The following BLK variants were observed in gnomAD, a reference collection of about 807,000 sequenced individuals.
BLK encodes the protein tyrosine-protein kinase Blk.
A neutral mutation model predicts 61.8 loss-of-function variants in BLK; 64 were observed. That is an observed-to-expected ratio of 1.03 (90% CI 0.85 to 1.27). The LOEUF (loss-of-function observed/expected upper bound fraction) is 1.27. BLK is among the 50% of genes most tolerant of loss of function. The probability of loss-of-function intolerance (pLI) is 0.00; values close to 1 mark genes in which losing one functional copy is unlikely to be tolerated. For missense variants in BLK, 853 were observed against 660.5 expected, an observed-to-expected ratio of 1.29 and a Z score of -3.19; for synonymous variants, 351 against 272.0, an observed-to-expected ratio of 1.29 and a Z score of -2.86.
chr8:11,559,365 TCA>T (rs1002042741), intron 10 of BLK, among the ~76,000 whole-genome samples: 7 of 148,188 alleles, frequency 4.7e-5, no homozygotes, highest in African/African-American at 1.5e-4. Context: ...ATACACAGAC[TCA>T]CACAGACACG....
chr8:11,507,361 A>T (rs936687563), intron 1 of BLK, among the ~76,000 whole-genome samples: 2 of 152,166 alleles, frequency 1.3e-5, no homozygotes, highest in Non-Finnish European at 2.9e-5. Flanking sequence ...CTGGATTTGC[A>T]GTGGCCCTGG....
At chr8:11,535,261 GAAGA>G (rs5889374) in intron 1 of BLK, among the ~76,000 whole-genome samples, 12,700 of 110,342 alleles carry the variant, frequency 0.12, 752 homozygotes, top group Middle Eastern at 0.16. Context: ...AAGAAAGAAA[GAAGA>G]AAGAAAGAAA....
chr8:11,513,878 G>A (rs555543663), intron 1 of BLK, among the ~76,000 whole-genome samples: 2 of 152,296 alleles, frequency 1.3e-5, no homozygotes, highest in African/African-American at 4.8e-5. Context: ...TGGAGCAGCT[G>A]GGCCCGACCC....
chr8:11,541,075 G>A (rs1466981751), intron 1 of BLK, among the ~76,000 whole-genome samples: 1 of 152,158 alleles, frequency 6.6e-6, no homozygotes, highest in African/African-American at 2.4e-5. Flanking sequence ...AGACCAGCCT[G>A]CATGACATGG....
At chr8:11,505,418 C>T (rs1798731504) in intron 1 of BLK, among the ~76,000 whole-genome samples, 1 of 152,164 alleles carries the variant, frequency 6.6e-6, no homozygotes, top group African/African-American at 2.4e-5. Context: ...TGGTGACCTG[C>T]CAAGCCAGAG....
chr8:11,551,567 T>C (rs563176935), intron 6 of BLK, among the ~76,000 whole-genome samples: 8 of 152,196 alleles, frequency 5.3e-5, no homozygotes, highest in Non-Finnish European at 1.2e-4. Flanking sequence ...ATTCAACCAG[T>C]AACAGATTCA....
chr8:11,535,999 C>T (rs551734479), intron 1 of BLK, among the ~76,000 whole-genome samples: 2 of 152,290 alleles, frequency 1.3e-5, no homozygotes, highest in South Asian at 2.1e-4. Context: ...AAACCTAAGA[C>T]GTTGAGTTAT....
At chr8:11,515,035 G>A (rs553480783) in intron 1 of BLK, among the ~76,000 whole-genome samples, 8 of 152,226 alleles carry the variant, frequency 5.3e-5, no homozygotes, top group Admixed American at 1.3e-4. Context: ...ACAAGCTGCT[G>A]CTCTGAGATT....
intron 10 of BLK, chr8:11,559,923 T>C (rs1801412482): frequency 4.5e-6 from 2 of 442,916 alleles, no homozygotes; most frequent in Non-Finnish European, 9.1e-6. Context: ...TCTGGGCAGC[T>C]TCTTCTTGAA....
intron 1 of BLK, among the ~76,000 whole-genome samples, chr8:11,506,499 A>G (rs1248104700): frequency 6.6e-6 from 1 of 152,172 alleles, no homozygotes; most frequent in Non-Finnish European, 1.5e-5. Flanking sequence ...AATGACTGAC[A>G]GACTGGATTT....
intron 1 of BLK, among the ~76,000 whole-genome samples, chr8:11,495,361 A>G (rs1460624562): frequency 6.6e-6 from 1 of 152,162 alleles, no homozygotes; most frequent in African/African-American, 2.4e-5. Flanking sequence ...CTCCCTCGGG[A>G]GAGTGGGACT....
chr8:11,549,859 G>A, intron 5 of BLK: 3 of 420,032 alleles, frequency 7.1e-6, no homozygotes, highest in Non-Finnish European at 9.0e-6. Context: ...GCTGTGCTTT[G>A]GAGAGAGTGA....
At chr8:11,562,819 T>C (rs1363444060) in intron 11 of BLK, among the ~76,000 whole-genome samples, 160 bp from the exon 12 acceptor site, 1 of 152,252 alleles carries the variant, frequency 6.6e-6, no homozygotes, top group Non-Finnish European at 1.5e-5. Context: ...TGTGTCCTGG[T>C]GTGCGGTAGT....
rs3816668 is a variant in BLK at position 11,549,084 on chromosome 8, T to C, written c.330T>C (p.Ser110=). The C allele has an allele frequency of 0.49, 782,400 of 1,609,686 alleles. 196,426 individuals carry two copies. Among genetic ancestry groups the C allele is most frequent in the Middle Eastern group, 0.53 (3,193 of 6,058 alleles). The change falls in exon 5 of 13, where the codon AGT becomes AGC. Residue 110 remains serine (S), a synonymous_variant. Transcript: ENST00000259089. The stretch of plus-strand genomic sequence containing the variant: ...CAGGAAGAGAAGGCTATGTGCCCAG[T>C]AACTTTGTGGCCCGAGTGGAGAGCC... The part of the protein sequence containing the change: ...LVTGREGYVP[S]NFVARVESLE...
At position 11,564,274 on chromosome 8, in the gene BLK, T is replaced by A; in HGVS notation, c.*166T>A. 1 of 841,676 alleles carries A rather than the reference T, an allele frequency of 1.2e-6. No homozygotes were observed. The highest frequency in any genetic ancestry group is 1.9e-6 in the Non-Finnish European group (1 of 515,422). The allele number at this position is 841,676 out of a possible 1,614,324, so 52.1% of individuals were successfully genotyped here. A position where few individuals can be genotyped will look rare whatever the true frequency, so the allele number is the denominator to read the frequency against. The stretch of plus-strand genomic sequence containing the variant: ...GCAGGGGGTCCCCGGACGGACTCCT[T>A]CACCGACTGCACCCCCGGGCGAGTT... On this transcript the variant is annotated 3_prime_UTR_variant, in exon 13 of 13. Coordinates refer to ENST00000259089, the MANE Select transcript of BLK (RefSeq NM_001715.3).
At chr8:11,514,626 C>T (rs1563429940) in intron 1 of BLK, among the ~76,000 whole-genome samples, 1 of 152,172 alleles carries the variant, frequency 6.6e-6, no homozygotes, top group Admixed American at 6.5e-5. Context: ...TCCACCCAGC[C>T]CCTGTGATTG....
At chr8:11,524,691 T>C (rs1237430846) in intron 1 of BLK, among the ~76,000 whole-genome samples, 2 of 152,148 alleles carry the variant, frequency 1.3e-5, no homozygotes, top group African/African-American at 4.8e-5. Context: ...AAGGACATTT[T>C]TGCAGCATGT....
chr8:11,561,476 G>C (rs778909298), intron 11 of BLK, 24 bp downstream of exon 11: 8 of 1,610,986 alleles, frequency 5.0e-6, no homozygotes, highest in African/African-American at 2.7e-5. Context: ...CTAACCACAA[G>C]GGAAACCTAG....
intron 1 of BLK, among the ~76,000 whole-genome samples, chr8:11,534,670 CTT>C (rs796107660): frequency 2.0e-5 from 3 of 152,328 alleles, no homozygotes; most frequent in African/African-American, 7.2e-5. Flanking sequence ...GATCTTTTCA[CTT>C]TAAAAAATTG....
Sources: gnomAD v4.1 joint callset for allele counts (sites outside exome capture counted in the v4.1 genomes callset) on GRCh38, gnomAD v4.1.1 for gene constraint, MANE v1.5 for transcripts, NCBI Gene and HGNC (gene_info 2026-07-23, HGNC 2026-07-21) for gene names.